SEMA5B: variants seen among roughly 807,000 people sequenced by gnomAD.
SEMA5B encodes semaphorin 5B, also known as semaphorin-5B.
Under a neutral mutation model 135.0 loss-of-function variants are expected in SEMA5B, and 66 were observed. That is an observed-to-expected ratio of 0.49 (90% CI 0.40 to 0.60). The LOEUF (loss-of-function observed/expected upper bound fraction) is 0.60. SEMA5B is among the 20% of genes least tolerant of loss of function. The pLI, the probability that SEMA5B is intolerant of heterozygous loss-of-function variation, is 0.00. For synonymous variants in SEMA5B, 690 were observed against 639.5 expected (o/e 1.08, Z -1.19); for missense variants, 1,501 against 1,566.3 (o/e 0.96, Z 0.70).
intron 1 of SEMA5B, among the ~76,000 whole-genome samples, chr3:122,980,117 C>G (rs1223179658): frequency 1.3e-5 from 2 of 152,180 alleles, no homozygotes; most frequent in East Asian, 3.9e-4. Flanking sequence ...ACTCATGACA[C>G]AAAACCCCAT....
intron 1 of SEMA5B, among the ~76,000 whole-genome samples, chr3:123,012,497 T>C (rs959644545): frequency 3.3e-5 from 5 of 152,118 alleles, no homozygotes; most frequent in African/African-American, 1.2e-4. Flanking sequence ...AGGCCCCAGG[T>C]CTGTATGGAG....
intron 1 of SEMA5B, among the ~76,000 whole-genome samples, chr3:122,998,268 G>A (rs748390888): frequency 7.9e-5 from 12 of 152,068 alleles, no homozygotes; most frequent in Non-Finnish European, 1.3e-4. Flanking sequence ...CTCTGGGGTC[G>A]CTCACTCACA....
At chr3:122,966,563 A>ATTTTTTTT (rs763448433) in intron 1 of SEMA5B, among the ~76,000 whole-genome samples, 1 of 115,074 alleles carries the variant, frequency 8.7e-6, no homozygotes, top group African/African-American at 4.0e-5. Flanking sequence ...TATTATTATT[A>ATTTTTTTT]TTATTTTTTG....
At chr3:123,000,340 A>G (rs866922376) in intron 1 of SEMA5B, among the ~76,000 whole-genome samples, 1 of 152,238 alleles carries the variant, frequency 6.6e-6, no homozygotes, top group African/African-American at 2.4e-5. Flanking sequence ...TGCAGGTGCA[A>G]ACCCTGGGCA....
intron 12 of SEMA5B, among the ~76,000 whole-genome samples, chr3:122,916,489 G>A (rs921191019): frequency 6.6e-6 from 1 of 152,190 alleles, no homozygotes; most frequent in Non-Finnish European, 1.5e-5. Context: ...ATTCTAATGG[G>A]AGCGAGGCTG....
At chr3:122,928,832 G>C (rs531272976) in intron 6 of SEMA5B, among the ~76,000 whole-genome samples, 164 bp downstream of exon 6, 7 of 150,676 alleles carry the variant, frequency 4.6e-5, no homozygotes, top group Admixed American at 3.3e-4. Context: ...CTCAGGACCA[G>C]CTCGCCACAG....
chr3:122,940,886 C>T (rs1412957223), intron 4 of SEMA5B, among the ~76,000 whole-genome samples: 1 of 152,198 alleles, frequency 6.6e-6, no homozygotes, highest in East Asian at 1.9e-4. Flanking sequence ...ATGGCTGTGC[C>T]CCAGCTGCCT....
intron 1 of SEMA5B, among the ~76,000 whole-genome samples, chr3:123,010,506 G>T (rs1206134099): frequency 1.3e-5 from 2 of 152,106 alleles, no homozygotes; most frequent in African/African-American, 2.4e-5. Context: ...CAACAGCGAA[G>T]TGGTCCGTTA....
At position 122,926,550 on chromosome 3, in the gene SEMA5B, C is replaced by A. The variant is rs765001789; in HGVS notation, c.978G>T (p.Val326=). ...TGTCCTCCAGCAGGAATCGGCCCCC[C>A]ACGTCATTCTTGCACACGCGGGCCA... The part of the protein sequence containing the change: ...SRVARVCKND[V]GGRFLLEDTW... The change falls in exon 9 of 23, where the codon GTG becomes GTT. Residue 326 remains valine, a synonymous_variant. Coordinates refer to ENST00000357599, the MANE Select transcript of SEMA5B (RefSeq NM_001031702.4). The A allele has an allele frequency of 6.8e-6, 11 of 1,614,266 alleles. No homozygotes were observed. The highest frequency in any genetic ancestry group is 7.6e-6 in the Non-Finnish European group (9 of 1,180,046).
chr3:122,944,887 T>A (rs1939715071), intron 3 of SEMA5B, among the ~76,000 whole-genome samples: 1 of 152,184 alleles, frequency 6.6e-6, no homozygotes, highest in South Asian at 2.1e-4. Flanking sequence ...GCAGAGGAAC[T>A]TTCATGCCGC....
intron 1 of SEMA5B, among the ~76,000 whole-genome samples, chr3:122,964,391 C>T (rs373129739): frequency 1.3e-5 from 2 of 152,202 alleles, no homozygotes; most frequent in African/African-American, 2.4e-5. Context: ...CTACCAGCTA[C>T]GCAGCTCTAC....
rs1490075483 is a variant in SEMA5B, at chr3:122,913,031, C to A, written c.2537G>T (p.Ser846Ile). ...CCCGCTCACCGTGTGCGGGGAGGTG[C>A]TCCCGCTGCGCAGGAGGACCTCCAC... ...ALVEVLLRSG[S>I]TSPHTVSGGW... is the part of the protein sequence containing the mutation. Residue 846 changes from serine to isoleucine, a missense_variant, in exon 18 of 23, where the codon AGC (serine) becomes ATC (isoleucine). Ser to Ile is a moderately radical substitution (Grantham distance 142, BLOSUM62 -2). Transcript: ENST00000357599. The A allele has an allele frequency of 6.3e-7, 1 of 1,575,742 alleles. No homozygotes were observed. The highest frequency in any genetic ancestry group is 1.8e-5 in the Admixed American group (1 of 54,622).
chr3:122,933,773 A>G (rs566010687), intron 5 of SEMA5B, among the ~76,000 whole-genome samples: 2 of 152,150 alleles, frequency 1.3e-5, no homozygotes, highest in East Asian at 3.9e-4. Context: ...TTTTTCTTCA[A>G]CATTATTTTC....
chr3:123,003,138 A>G (rs56725593), intron 1 of SEMA5B, among the ~76,000 whole-genome samples: 19,619 of 152,180 alleles, frequency 0.13, 1,910 homozygotes, highest in African/African-American at 0.26. Flanking sequence ...ACGGCACTGC[A>G]ACAAGTACTG....
In SEMA5B at chr3:122,991,941, G is replaced by A. The variant is rs143538719; in HGVS notation, c.-38-30640C>T. On this transcript the variant is annotated intron_variant, in intron 1 of 22. Transcript: ENST00000357599. ...CTAGGAAGATGGGCATCCCTGTGAC[G>A]GCAAAACAGATGGCTGAGAACCCGT... is the stretch of plus-strand genomic sequence containing the variant. Among the ~76,000 whole-genome samples, 43 of 152,246 alleles carry A rather than the reference G, an allele frequency of 2.8e-4. No individual in the cohort carries two copies. The East Asian group carries it at 8.3e-3, about 29-fold the overall frequency.
intron 5 of SEMA5B, among the ~76,000 whole-genome samples, chr3:122,938,141 A>G (rs963100948): frequency 2.6e-5 from 4 of 152,226 alleles, no homozygotes; most frequent in Non-Finnish European, 4.4e-5. Flanking sequence ...CCTTATGTGC[A>G]TATTCCTTGC....
At chr3:122,932,548 C>T (rs1029121871) in intron 5 of SEMA5B, among the ~76,000 whole-genome samples, 2 of 152,020 alleles carry the variant, frequency 1.3e-5, no homozygotes, top group African/African-American at 4.8e-5. Context: ...TGATGACATC[C>T]CACGGGAATA....
At chr3:123,005,425 G>A (rs1470650223) in intron 1 of SEMA5B, among the ~76,000 whole-genome samples, 4 of 151,978 alleles carry the variant, frequency 2.6e-5, no homozygotes, top group Non-Finnish European at 5.9e-5. Flanking sequence ...GCAGTGGTGC[G>A]ATCATAGCTC....
intron 10 of SEMA5B, 119 bp downstream of exon 10, chr3:122,923,498 G>T: frequency 8.9e-7 from 1 of 1,125,082 alleles, no homozygotes; most frequent in Non-Finnish European, 1.3e-6. Flanking sequence ...AGATGGGCAT[G>T]GACTGGCAGG....
Sources: allele counts gnomAD v4.1 joint callset (sites outside exome capture counted in the v4.1 genomes callset), GRCh38; gene constraint gnomAD v4.1.1; transcripts MANE v1.5; gene names NCBI Gene and HGNC (gene_info 2026-07-23, HGNC 2026-07-21).